The following HPSE2 variants were observed in gnomAD, a reference collection of about 807,000 sequenced individuals.
HPSE2 encodes the protein inactive heparanase-2.
A neutral mutation model predicts 60.5 loss-of-function variants in HPSE2; 38 were observed. The ratio of observed to expected loss-of-function variants is 0.63; its 90% CI spans 0.48 to 0.82. The LOEUF is 0.82. Ranked by LOEUF, HPSE2 falls within the 40% of genes least tolerant of loss-of-function variation. The probability of loss-of-function intolerance (pLI) is 0.00; values close to 1 mark genes in which losing one functional copy is unlikely to be tolerated. For synonymous variants in HPSE2, 295 were observed against 293.2 expected, an observed-to-expected ratio of 1.01 and a Z score of -0.06; for missense variants, 713 against 740.4, an observed-to-expected ratio of 0.96 and a Z score of 0.43.
intron 4 of HPSE2, among the ~76,000 whole-genome samples, chr10:98,742,971 T>G (rs1178174479): frequency 1.6e-5 from 2 of 122,356 alleles, no homozygotes; most frequent in Non-Finnish European, 3.3e-5. Flanking sequence ...TTCCTTTTCT[T>G]TTCTTTTTTT....
At chr10:98,472,890 G>C (rs931047348) in intron 11 of HPSE2, among the ~76,000 whole-genome samples, 4 of 152,080 alleles carry the variant, frequency 2.6e-5, no homozygotes, top group African/African-American at 9.7e-5. Flanking sequence ...TAGCAATGGA[G>C]GAAATTGCCT....
chr10:98,617,835 C>A (rs1945956936), intron 8 of HPSE2, among the ~76,000 whole-genome samples: 5 of 152,118 alleles, frequency 3.3e-5, no homozygotes, highest in Admixed American at 2.6e-4. Flanking sequence ...TTGTGGTCCA[C>A]CAAAGAATCT....
At chr10:98,654,209 C>A (rs1210739625) in intron 6 of HPSE2, among the ~76,000 whole-genome samples, 3 of 152,088 alleles carry the variant, frequency 2.0e-5, no homozygotes, top group Admixed American at 2.0e-4. Context: ...TCAGTGTTCC[C>A]TGAGCTTCCT....
chr10:98,808,358 C>G (rs1479971205), intron 3 of HPSE2, among the ~76,000 whole-genome samples: 1 of 152,090 alleles, frequency 6.6e-6, no homozygotes, highest in Non-Finnish European at 1.5e-5. Flanking sequence ...TCCTTAGAAA[C>G]GTTTCTTTTA....
intron 3 of HPSE2, among the ~76,000 whole-genome samples, chr10:99,132,146 GAAGAAAGAAAGAAAGAAAGA>G (rs1199987336): frequency 3.5e-5 from 1 of 28,484 alleles, no homozygotes; most frequent in East Asian, 1.5e-3. Context: ...AGAAAGAAAG[GAAGAAAGAAAGAAAGAAAGA>G]AAGAAAGAAA....
At chr10:99,313,281 T>G in the HPSE2 span, among the ~76,000 whole-genome samples, 1 of 152,196 alleles carries the variant, frequency 6.6e-6, no homozygotes, top group African/African-American at 2.4e-5. Flanking sequence ...CTGATTTCAA[T>G]GCTCATGGAT....
At chr10:98,812,947 G>A (rs537484642) in intron 3 of HPSE2, among the ~76,000 whole-genome samples, 5 of 152,104 alleles carry the variant, frequency 3.3e-5, no homozygotes, top group Admixed American at 1.3e-4. Flanking sequence ...AGGGAAGTTT[G>A]GGAATCACAG....
chr10:98,840,752 C>T (rs1951891897), intron 3 of HPSE2, among the ~76,000 whole-genome samples: 1 of 151,958 alleles, frequency 6.6e-6, no homozygotes, highest in Non-Finnish European at 1.5e-5. Context: ...TACCAAGATA[C>T]ATGAAAATGA....
At chr10:98,741,541 C>T (rs1197124028) in intron 4 of HPSE2, among the ~76,000 whole-genome samples, 1 of 151,292 alleles carries the variant, frequency 6.6e-6, no homozygotes, top group Admixed American at 6.6e-5. Flanking sequence ...CCCACCCCCG[C>T]CACAAAATCA....
At chr10:99,041,239 A>C (rs895843952) in intron 3 of HPSE2, among the ~76,000 whole-genome samples, 1 of 152,116 alleles carries the variant, frequency 6.6e-6, no homozygotes, top group Admixed American at 6.5e-5. Context: ...AGTGGTGAGT[A>C]AACAGGCTCT....
At chr10:98,992,297 G>T (rs1373973025) in intron 3 of HPSE2, among the ~76,000 whole-genome samples, 1 of 151,584 alleles carries the variant, frequency 6.6e-6, no homozygotes. Context: ...TTAAATAGTT[G>T]TTTTTTTTCA....
intron 3 of HPSE2, among the ~76,000 whole-genome samples, chr10:99,100,233 A>G (rs1473702516): frequency 6.6e-6 from 1 of 152,180 alleles, no homozygotes; most frequent in Non-Finnish European, 1.5e-5. Context: ...CAAAGAAGCT[A>G]AAAACCTTGA....
intron 3 of HPSE2, among the ~76,000 whole-genome samples, chr10:98,870,072 G>A (rs1168919659): frequency 6.6e-6 from 1 of 152,062 alleles, no homozygotes; most frequent in Non-Finnish European, 1.5e-5. Context: ...ATTAGGGGAG[G>A]CAGGTCTAAA....
chr10:98,529,327 G>T (rs116662858), intron 9 of HPSE2, among the ~76,000 whole-genome samples: 148 of 152,264 alleles, frequency 9.7e-4, no homozygotes, highest in African/African-American at 3.5e-3. Context: ...TGCAAATATT[G>T]ATTGATAGTG....
intron 3 of HPSE2, among the ~76,000 whole-genome samples, chr10:98,831,743 C>A (rs1226256999): frequency 6.6e-6 from 1 of 152,142 alleles, no homozygotes; most frequent in Non-Finnish European, 1.5e-5. Context: ...TCTGGGTAGA[C>A]CCTAGAAGTC....
intron 2 of HPSE2, among the ~76,000 whole-genome samples, chr10:99,221,616 A>G (rs140887839): frequency 6.6e-6 from 1 of 152,338 alleles, no homozygotes; most frequent in East Asian, 1.9e-4. Context: ...ATAGAAAAGG[A>G]GAAAAAACTT....
At chr10:98,991,096 C>A (rs1231282059) in intron 3 of HPSE2, among the ~76,000 whole-genome samples, 1 of 152,132 alleles carries the variant, frequency 6.6e-6, no homozygotes, top group African/African-American at 2.4e-5. Flanking sequence ...AATGGCTACC[C>A]ATTTTTTAAA....
At chr10:98,685,273 G>A (rs1947884736) in intron 6 of HPSE2, among the ~76,000 whole-genome samples, 1 of 151,988 alleles carries the variant, frequency 6.6e-6, no homozygotes, top group African/African-American at 2.4e-5. Flanking sequence ...TTTTTCTTAT[G>A]CAATTTTACA....
In HPSE2 at chr10:98,697,683, A is replaced by T. The variant is rs183584705; in HGVS notation, c.957-3736T>A. ...CCGCACTAAGATAATCTACAAGAAG[A>T]TCAACCCCAAGACACGTAATGATCA... On this transcript the variant is annotated intron_variant, in intron 5 of 11. Coordinates refer to ENST00000370552, the MANE Select transcript of HPSE2 (RefSeq NM_021828.5). Among the ~76,000 whole-genome samples the T allele has an allele frequency of 2.6e-3, 396 of 152,290 alleles. 5 individuals are homozygous for T. Among genetic ancestry groups the T allele is most frequent in the Non-Finnish European group, 4.4e-4 (30 of 68,024 alleles).
Sources: allele counts gnomAD v4.1 joint callset (sites outside exome capture counted in the v4.1 genomes callset), GRCh38; gene constraint gnomAD v4.1.1; transcripts MANE v1.5; gene names NCBI Gene and HGNC (gene_info 2026-07-23, HGNC 2026-07-21).